PRKCE: variants seen among roughly 807,000 people sequenced by gnomAD.
PRKCE encodes protein kinase C epsilon, also known as protein kinase C epsilon type.
In PRKCE, 16 loss-of-function variants were observed where a neutral mutation model predicts 85.4. That is an observed-to-expected ratio of 0.19 (90% CI 0.13 to 0.28). The LOEUF (loss-of-function observed/expected upper bound fraction) is 0.28, where lower values mean the gene tolerates loss of function less well. Among genes scored for constraint, PRKCE ranks in the 10% least tolerant of loss-of-function variants. The pLI is 1.00. For missense variants in PRKCE, 573 were observed against 975.2 expected (o/e 0.59, Z 5.49); for synonymous variants, 388 against 371.5 (o/e 1.04, Z -0.51).
intron 2 of PRKCE, among the ~76,000 whole-genome samples, chr2:45,921,339 ATTG>A (rs1026727921): frequency 3.9e-5 from 6 of 152,190 alleles, no homozygotes; most frequent in African/African-American, 1.4e-4. Flanking sequence ...GGAAATATAA[ATTG>A]TTGTAAAAAA....
intron 1 of PRKCE, among the ~76,000 whole-genome samples, chr2:45,759,596 G>T (rs1259919465): frequency 6.6e-6 from 1 of 152,192 alleles, no homozygotes; most frequent in Non-Finnish European, 1.5e-5. Flanking sequence ...ATCTCCTTAA[G>T]GGCAGACCTC....
intron 2 of PRKCE, among the ~76,000 whole-genome samples, chr2:45,897,531 A>G: frequency 6.6e-6 from 1 of 152,254 alleles, no homozygotes; most frequent in East Asian, 1.9e-4. Flanking sequence ...TTAGTGTTAC[A>G]GAACAGAATG....
chr2:46,077,048 T>A (rs928629497), intron 10 of PRKCE, among the ~76,000 whole-genome samples: 1 of 152,128 alleles, frequency 6.6e-6, no homozygotes, highest in African/African-American at 2.4e-5. Flanking sequence ...TTATGAAGGA[T>A]GATGATAAGT....
chr2:45,674,193 C>T (rs1253508478), intron 1 of PRKCE, among the ~76,000 whole-genome samples: 2 of 152,210 alleles, frequency 1.3e-5, no homozygotes, highest in Non-Finnish European at 1.5e-5. Context: ...TGTGCACGCT[C>T]CTTCCACTTC....
At chr2:45,967,038 G>A (rs1038569584) in intron 2 of PRKCE, among the ~76,000 whole-genome samples, 1 of 152,210 alleles carries the variant, frequency 6.6e-6, no homozygotes, top group African/African-American at 2.4e-5. Flanking sequence ...GGCTGTATAT[G>A]TCTGATCTCC....
At position 46,184,998 on chromosome 2, in the gene PRKCE, T is replaced by G; in HGVS notation, c.*117T>G. 1.5e-6 allele frequency: 2 copies of G among 1,367,864 alleles called. No homozygotes were observed. The highest frequency in any genetic ancestry group is 2.0e-6 in the Non-Finnish European group (2 of 1,004,356). 84.7% of individuals were successfully genotyped at this position (1,367,864 alleles called of 1,614,324 possible). A position where few individuals can be genotyped will look rare whatever the true frequency, so the allele number is the denominator to read the frequency against. ...TCTCCTCCTCGGAGCCCCAGTCCCATGTCCACTGTCTATTTATTGCATTCC... is the reference window on the plus strand; with the variant it reads ...TCTCCTCCTCGGAGCCCCAGTCCCAGGTCCACTGTCTATTTATTGCATTCC... On this transcript the variant is annotated 3_prime_UTR_variant, in exon 15 of 15. Coordinates refer to ENST00000306156, the MANE Select transcript of PRKCE (RefSeq NM_005400.3). This position sits in a 1 kb window ranked among gnomAD's most constrained non-coding sequence, Gnocchi z 5.0.
chr2:45,758,347 A>G (rs929530391), intron 1 of PRKCE, among the ~76,000 whole-genome samples: 1 of 152,238 alleles, frequency 6.6e-6, no homozygotes, highest in African/African-American at 2.4e-5. Flanking sequence ...TGTTATTGCT[A>G]CTGTAATTAT....
chr2:45,827,066 C>T (rs765432619), intron 1 of PRKCE, among the ~76,000 whole-genome samples: 4 of 152,354 alleles, frequency 2.6e-5, no homozygotes, highest in Admixed American at 6.5e-5. Flanking sequence ...ATCTCACTCA[C>T]GGCCAAAGCC....
chr2:45,730,711 C>T (rs1681500420), intron 1 of PRKCE, among the ~76,000 whole-genome samples: 1 of 152,106 alleles, frequency 6.6e-6, no homozygotes. Flanking sequence ...CTACCCGCCT[C>T]AGCCTCCCAA....
At chr2:45,919,848 A>C (rs1442602597) in intron 2 of PRKCE, among the ~76,000 whole-genome samples, 1 of 152,362 alleles carries the variant, frequency 6.6e-6, no homozygotes, top group East Asian at 1.9e-4. Context: ...CCAAAGGGGA[A>C]AATACATGTG....
intron 2 of PRKCE, among the ~76,000 whole-genome samples, chr2:45,884,639 A>G (rs927399052): frequency 6.6e-6 from 1 of 152,122 alleles, no homozygotes; most frequent in African/African-American, 2.4e-5. Context: ...CCACCTCTAC[A>G]GCTTGTTGGT....
At chr2:45,974,797 C>T (rs541963717) in intron 2 of PRKCE, among the ~76,000 whole-genome samples, 7 of 152,250 alleles carry the variant, frequency 4.6e-5, no homozygotes, top group Middle Eastern at 3.4e-3. Context: ...GTCAGGCACT[C>T]GCTGATGCCT....
At chr2:45,845,825 C>T (rs1691742236) in intron 2 of PRKCE, 1 of 152,174 alleles carries the variant, frequency 6.6e-6, no homozygotes, top group Admixed American at 6.5e-5. Flanking sequence ...GCCATCCTAA[C>T]CCCAGATGTA....
chr2:45,796,058 A>T (rs1687411298), intron 1 of PRKCE, among the ~76,000 whole-genome samples: 1 of 152,166 alleles, frequency 6.6e-6, no homozygotes, highest in South Asian at 2.1e-4. Context: ...GTTGTTCTTC[A>T]CACCTCTGTG....
chr2:45,771,574 C>T (rs1685332176), intron 1 of PRKCE, among the ~76,000 whole-genome samples: 2 of 152,190 alleles, frequency 1.3e-5, no homozygotes, highest in Non-Finnish European at 2.9e-5. Flanking sequence ...TGAGAGCCGC[C>T]CATTGTGAAG....
intron 1 of PRKCE, among the ~76,000 whole-genome samples, chr2:45,741,831 C>T (rs1485300933): frequency 6.6e-6 from 1 of 152,214 alleles, no homozygotes; most frequent in African/African-American, 2.4e-5. Flanking sequence ...CCAGCACAGT[C>T]CTCTCAGTGG....
intron 2 of PRKCE, among the ~76,000 whole-genome samples, chr2:45,968,248 T>TACACACAC (rs35474852): frequency 2.0e-5 from 3 of 151,118 alleles, no homozygotes; most frequent in Non-Finnish European, 3.0e-5. Flanking sequence ...AAGAAAATAT[T>TACACACAC]ACACACACAC....
intron 1 of PRKCE, among the ~76,000 whole-genome samples, chr2:45,696,691 TCA>T (rs1279795941): frequency 6.6e-6 from 1 of 152,212 alleles, no homozygotes; most frequent in Non-Finnish European, 1.5e-5. Flanking sequence ...AACCTGATTC[TCA>T]GTTTTCCTAC....
At chr2:45,982,773 C>T (rs1702995088) in intron 5 of PRKCE, among the ~76,000 whole-genome samples, 1 of 152,308 alleles carries the variant, frequency 6.6e-6, no homozygotes, top group Non-Finnish European at 1.5e-5. Flanking sequence ...TCTCTGATAC[C>T]TTAGAGTTTT....
Sources: allele counts gnomAD v4.1 joint callset (sites outside exome capture counted in the v4.1 genomes callset), GRCh38; gene constraint gnomAD v4.1.1; non-coding constraint Gnocchi (gnomAD v3.1); transcripts MANE v1.5; gene names NCBI Gene and HGNC (gene_info 2026-07-23, HGNC 2026-07-21).